The following IDE variants were observed in gnomAD, a reference collection of about 807,000 sequenced individuals.
IDE encodes insulin degrading enzyme.
A neutral mutation model predicts 133.2 loss-of-function variants in IDE; 58 were observed. The observed-to-expected ratio is 0.44, with a 90% CI of 0.35 to 0.54. The LOEUF (loss-of-function observed/expected upper bound fraction) is 0.54. IDE is among the 20% of genes least tolerant of loss of function. The probability of loss-of-function intolerance (pLI) is 0.00; values close to 1 mark genes in which losing one functional copy is unlikely to be tolerated. For missense variants in IDE, 981 were observed against 1,234.0 expected, an observed-to-expected ratio of 0.79 and a Z score of 3.07; for synonymous variants, 396 against 421.3, an observed-to-expected ratio of 0.94 and a Z score of 0.73.
intron 1 of IDE, among the ~76,000 whole-genome samples, chr10:92,551,422 G>A (rs1564672968): frequency 6.6e-6 from 1 of 152,108 alleles, no homozygotes; most frequent in East Asian, 1.9e-4. Context: ...ACAAAAATTA[G>A]CTGGGAGTGG....
chr10:92,459,876 C>T (rs1446466949), intron 22 of IDE, among the ~76,000 whole-genome samples: 1 of 135,642 alleles, frequency 7.4e-6, no homozygotes, highest in Non-Finnish European at 1.5e-5. Context: ...GTCGCCCGGG[C>T]TGGTGTGCAG....
chr10:92,498,351 G>T (rs1413716231), intron 11 of IDE, among the ~76,000 whole-genome samples: 1 of 150,862 alleles, frequency 6.6e-6, no homozygotes, highest in Non-Finnish European at 1.5e-5. Context: ...GGCCGGGTAT[G>T]GGGGCTCACA....
intron 1 of IDE, chr10:92,559,113 A>G (rs557451461): frequency 3.3e-5 from 5 of 152,298 alleles, no homozygotes; most frequent in African/African-American, 1.2e-4. Flanking sequence ...ACAAAAGTAC[A>G]TATAGCAAGT....
chr10:92,558,218 A>G (rs1843109024), intron 1 of IDE, among the ~76,000 whole-genome samples: 1 of 152,040 alleles, frequency 6.6e-6, no homozygotes, highest in African/African-American at 2.4e-5. Flanking sequence ...ACGCCAGGCT[A>G]ATTTTTGGTA....
chr10:92,467,432 T>C (rs1233595226), intron 19 of IDE, among the ~76,000 whole-genome samples: 1 of 152,188 alleles, frequency 6.6e-6, no homozygotes, highest in Non-Finnish European at 1.5e-5. Context: ...AAGAACTATT[T>C]AAAGATTCAC....
chr10:92,573,936 C>G lies in IDE; in HGVS notation c.84G>C (p.Pro28=). The stretch of plus-strand genomic sequence containing the variant: ...ATTCCGCTTACCCACACAGGCGCTC[C>G]GGAGGCGGCAGGCGGGCGCCGAGGA... ...RSVLGARLPP[P]ERLCGFQKKT... The change falls in exon 1 of 25, where the codon CCG becomes CCC. Residue 28 remains proline (P), a synonymous_variant. Transcript: ENST00000265986. 6.8e-7 allele frequency: 1 copy of G among 1,468,956 alleles called. No individual in the cohort carries two copies. 91.0% of individuals were successfully genotyped at this position (1,468,956 alleles called of 1,614,324 possible).
At chr10:92,471,030 T>C (rs1225360903) in intron 17 of IDE, among the ~76,000 whole-genome samples, 1 of 152,244 alleles carries the variant, frequency 6.6e-6, no homozygotes, top group Admixed American at 6.5e-5. Flanking sequence ...TTTTTCCCTT[T>C]GTAATTACTA....
At chr10:92,497,249 T>C (rs1847758059) in intron 11 of IDE, among the ~76,000 whole-genome samples, 1 of 152,196 alleles carries the variant, frequency 6.6e-6, no homozygotes, top group African/African-American at 2.4e-5. Context: ...TGGGTGACAA[T>C]GATCATTGAG....
intron 3 of IDE, among the ~76,000 whole-genome samples, chr10:92,533,479 CA>C (rs2135680088): frequency 6.6e-6 from 1 of 152,032 alleles, no homozygotes; most frequent in African/African-American, 2.4e-5. Context: ...TAAAAGTAAG[CA>C]AATAAAGCCG....
At chr10:92,499,024 C>T (rs1166182970) in intron 11 of IDE, among the ~76,000 whole-genome samples, 2 of 152,092 alleles carry the variant, frequency 1.3e-5, no homozygotes, top group African/African-American at 4.8e-5. Context: ...AACTGTTTTA[C>T]TTGCCTAAAT....
chr10:92,537,368 A>G lies in IDE; in HGVS notation c.281T>C (p.Ile94Thr). Reference protein sequence around the residue: ...DKSSAALDVHIGSLSDPPNIA... With the variant: ...DKSSAALDVHTGSLSDPPNIA... ...TAATTCACAATTTTCAATTGTACCT[A>G]TGTGCACATCAAGTGCTGCTGATGA... Residue 94 changes from isoleucine (I) to threonine (T), a missense_variant and splice_region_variant, in exon 2 of 25, where the codon ATA (isoleucine) becomes ACA (threonine). Physicochemically the swap from Ile to Thr is moderately conservative, Grantham distance 89 (BLOSUM62 -1). Around this residue, in one of 2 missense-constraint regions of IDE, gnomAD observed 321 missense variants for 339.3 expected, o/e 0.95. Transcript: ENST00000265986. The G allele has an allele frequency of 6.3e-7, 1 of 1,596,928 alleles. No individual in the cohort carries two copies. Among genetic ancestry groups the G allele is most frequent in the Non-Finnish European group, 8.5e-7 (1 of 1,174,496 alleles).
At chr10:92,541,322 C>T (rs1435274842) in intron 1 of IDE, 1 of 470,902 alleles carries the variant, frequency 2.1e-6, no homozygotes, top group East Asian at 7.0e-5. Context: ...AAGACAATGA[C>T]TGGGAACTCT....
intron 1 of IDE, among the ~76,000 whole-genome samples, chr10:92,567,925 C>A (rs1285219299): frequency 6.6e-6 from 1 of 152,100 alleles, no homozygotes; most frequent in South Asian, 2.1e-4. Context: ...GAGTTTTGAT[C>A]GTGCCACTGC....
chr10:92,521,278 T>G (rs1355572211), intron 4 of IDE, among the ~76,000 whole-genome samples: 3 of 152,166 alleles, frequency 2.0e-5, no homozygotes, highest in Admixed American at 1.3e-4. Context: ...CATCACCACC[T>G]ATGAAGATGT....
chr10:92,458,741 C>T (rs1845184471), intron 22 of IDE, among the ~76,000 whole-genome samples: 1 of 152,060 alleles, frequency 6.6e-6, no homozygotes, highest in East Asian at 1.9e-4. Context: ...ACCTCGTGAT[C>T]TGCCCACCTC....
intron 17 of IDE, among the ~76,000 whole-genome samples, chr10:92,472,386 T>C (rs915926617): frequency 4.6e-5 from 7 of 152,224 alleles, no homozygotes; most frequent in African/African-American, 1.4e-4. Context: ...TTTTAAAAGG[T>C]ATAATTCTTG....
At chr10:92,492,008 C>A (rs1564620062) in intron 11 of IDE, among the ~76,000 whole-genome samples, 1 of 152,046 alleles carries the variant, frequency 6.6e-6, no homozygotes, top group Non-Finnish European at 1.5e-5. Flanking sequence ...TGCCTGTAAT[C>A]CCAGCACTTT....
chr10:92,465,852 T>A lies in IDE; in HGVS notation c.2321-9A>T. ...ATAAACAAACCATCCTCCTAGGAAG[T>A]TTCAAAAAGACAGCAGCAAGTTCAA... On this transcript the variant is annotated splice_polypyrimidine_tract_variant and intron_variant, in intron 19 of 24. Coordinates refer to ENST00000265986, the MANE Select transcript of IDE (RefSeq NM_004969.4). 6.2e-7 allele frequency: 1 copy of A among 1,613,196 alleles called. No individual in the cohort carries two copies. Among genetic ancestry groups the A allele is most frequent in the Non-Finnish European group, 8.5e-7 (1 of 1,179,698 alleles).
intron 1 of IDE, among the ~76,000 whole-genome samples, chr10:92,563,124 G>A (rs1316203086): frequency 2.0e-5 from 3 of 152,170 alleles, no homozygotes; most frequent in East Asian, 1.9e-4. Context: ...GGTGGCAGGC[G>A]CCTGTAATCC....
Sources: gnomAD v4.1 joint callset for allele counts (sites outside exome capture counted in the v4.1 genomes callset) on GRCh38, gnomAD v4.1.1 for gene constraint, gnomAD v4.1.1 regional missense constraint, MANE v1.5 for transcripts, NCBI Gene and HGNC (gene_info 2026-07-23, HGNC 2026-07-21) for gene names.